The following ZNF83 variants were observed in gnomAD, a reference collection of about 807,000 sequenced individuals.
ZNF83 encodes zinc finger protein 816B.
For missense variants in ZNF83, 552 were observed against 629.9 expected (o/e 0.88, Z 1.32); for synonymous variants, 209 against 213.0 (o/e 0.98, Z 0.17).
chr19:52,622,787 G>C (rs1302030208), intron 2 of ZNF83, among the ~76,000 whole-genome samples: 1 of 150,244 alleles, frequency 6.7e-6, no homozygotes, highest in Admixed American at 6.6e-5. Context: ...TTAGAAAAAA[G>C]CTTCAAAAAT....
At chr19:52,674,729 C>G (rs1002359646) in intron 1 of ZNF83, among the ~76,000 whole-genome samples, 2 of 152,104 alleles carry the variant, frequency 1.3e-5, no homozygotes, top group African/African-American at 4.8e-5. Flanking sequence ...AAGTTTCTAC[C>G]TTGAAATCTA....
exon 3 of ZNF83, chr19:52,613,476 A>G: frequency 6.2e-7 from 1 of 1,614,066 alleles, no homozygotes; most frequent in East Asian, 2.2e-5. Context: ...GAATTATCAG[A>G]TGTTGGGCAA....
intron 3 of ZNF83, among the ~76,000 whole-genome samples, chr19:52,648,529 G>A (rs912013305): frequency 2.0e-5 from 3 of 152,122 alleles, no homozygotes; most frequent in African/African-American, 7.2e-5. Context: ...GCATGACTAT[G>A]TTTTACAAAT....
chr19:52,622,578 A>G (rs2060588619), intron 2 of ZNF83, among the ~76,000 whole-genome samples: 1 of 151,856 alleles, frequency 6.6e-6, no homozygotes, highest in Non-Finnish European at 1.5e-5. Context: ...TTTCCTGCCT[A>G]GTTGAAGTGC....
chr19:52,623,922 G>A (rs1184397126), intron 2 of ZNF83, among the ~76,000 whole-genome samples: 1 of 152,076 alleles, frequency 6.6e-6, no homozygotes, highest in East Asian at 1.9e-4. Flanking sequence ...TGCCCAACCT[G>A]TACACTCTTT....
At chr19:52,659,889 A>G (rs1319418811) in intron 2 of ZNF83, among the ~76,000 whole-genome samples, 2 of 152,316 alleles carry the variant, frequency 1.3e-5, no homozygotes, top group African/African-American at 2.4e-5. Flanking sequence ...AGCTCCTGTA[A>G]TATTATCAAG....
In ZNF83 at chr19:52,614,554, C is replaced by A. The variant is rs544836525; in HGVS notation, c.11G>T (p.Arg4Ile). The A allele has an allele frequency of 1.6e-5, 26 of 1,594,288 alleles. No individual in the cohort carries two copies. Among genetic ancestry groups the A allele is most frequent in the African/African-American group, 1.6e-4 (12 of 74,598 alleles). ...AGGCTGCTTTTGTGCATCATCCTTT[C>A]TCCCATGCATGTCTCTTCTACCAAT... Residue 4 changes from arginine (R) to isoleucine (I), a missense_variant, in exon 3 of 3, where the codon AGA (arginine) becomes ATA (isoleucine). Coordinates refer to ENST00000301096, the Ensembl canonical transcript of ZNF83.
At chr19:52,675,965 G>A (rs2061795913) in intron 1 of ZNF83, among the ~76,000 whole-genome samples, 1 of 152,084 alleles carries the variant, frequency 6.6e-6, no homozygotes, top group Non-Finnish European at 1.5e-5. Context: ...GCCGATGCAG[G>A]CAGATCATGA....
chr19:52,677,273 C>T (rs1262824230), intron 1 of ZNF83, among the ~76,000 whole-genome samples: 8 of 144,084 alleles, frequency 5.6e-5, no homozygotes, highest in African/African-American at 2.0e-4. Context: ...GGGCATTTTG[C>T]TTTTGAATAT....
rs887849027 is a variant in ZNF83 at position 52,655,827 on chromosome 19, CTTTT to C, written c.-200-144_-200-141del. 2.4e-5 allele frequency: 12 copies of C among 506,874 alleles called. No individual in the cohort carries two copies. In the Admixed American group the frequency reaches 4.2e-4, roughly 18 times the overall value. The allele number at this position is 506,874 out of a possible 1,614,324, so 31.4% of individuals were successfully genotyped here. The stretch of plus-strand genomic sequence containing the variant: ...CACATTAAGGTATTTTTGAACATTT[CTTTT>C]TGTGCAGTTGCATTTTATTGTACTT... On this transcript the variant is annotated intron_variant, in intron 2 of 5. Coordinates refer to the ZNF83 transcript ENST00000594682.
chr19:52,624,055 A>G (rs927609800), intron 2 of ZNF83, among the ~76,000 whole-genome samples: 4 of 151,784 alleles, frequency 2.6e-5, no homozygotes, highest in Admixed American at 6.6e-5. Context: ...TGACACTGAC[A>G]CTCATCAGTC....
At chr19:52,621,625 T>TA (rs1307400998) in intron 2 of ZNF83, among the ~76,000 whole-genome samples, 1 of 152,082 alleles carries the variant, frequency 6.6e-6, no homozygotes. Context: ...TCTCTAAACT[T>TA]ACGTTTTTAC....
intron 1 of ZNF83, among the ~76,000 whole-genome samples, chr19:52,683,677 G>A (rs112440106): frequency 7.9e-5 from 12 of 152,282 alleles, no homozygotes; most frequent in African/African-American, 2.6e-4. Flanking sequence ...CTGGTCTGTA[G>A]GGCTTTTCTG....
At chr19:52,613,395 T>A (rs761658103) in exon 3 of ZNF83, 2 of 1,578,286 alleles carry the variant, frequency 1.3e-6, no homozygotes, top group South Asian at 1.2e-5. Context: ...TTCTGTGATG[T>A]TGTACAAGAT....
At chr19:52,650,638 G>T (rs2061430643) in intron 3 of ZNF83, 1 of 152,112 alleles carries the variant, frequency 6.6e-6, no homozygotes, top group Non-Finnish European at 1.5e-5. Context: ...TTGTTTATTA[G>T]AAGAACTTCA....
At chr19:52,683,226 CTCTGTGTGTGTGTGTGTGTGTGTGTG>C (rs1311006863) in intron 1 of ZNF83, among the ~76,000 whole-genome samples, 4 of 135,652 alleles carry the variant, frequency 2.9e-5, no homozygotes, top group Admixed American at 1.5e-4. Flanking sequence ...TGCCCTGTGA[CTCTGTGTGTGTGTGTGTGTGTGTGTG>C]TGTGTGTGTG....
At chr19:52,681,871 A>G (rs59106536) in intron 1 of ZNF83, among the ~76,000 whole-genome samples, 28,685 of 152,182 alleles carry the variant, frequency 0.19, 3,240 homozygotes, top group East Asian at 0.35. Flanking sequence ...CTTTTAAGAC[A>G]GAGTCTCACT....
intron 2 of ZNF83, among the ~76,000 whole-genome samples, chr19:52,629,145 C>T (rs1020550057): frequency 9.2e-5 from 14 of 152,064 alleles, no homozygotes; most frequent in African/African-American, 3.1e-4. Context: ...TCTGCAATGC[C>T]GCTGGACCCC....
intron 1 of ZNF83, among the ~76,000 whole-genome samples, chr19:52,684,472 C>G (rs1321283259): frequency 6.7e-6 from 1 of 148,638 alleles, no homozygotes; most frequent in Non-Finnish European, 1.5e-5. Context: ...TCACTTGAAG[C>G]TAGGAGACAG....
Sources: gnomAD v4.1 joint callset for allele counts (sites outside exome capture counted in the v4.1 genomes callset) on GRCh38, gnomAD v4.1.1 for gene constraint, MANE v1.5 for transcripts, NCBI Gene and HGNC (gene_info 2026-07-23, HGNC 2026-07-21) for gene names.